DERL2: variants seen among roughly 807,000 people sequenced by gnomAD.
DERL2 encodes the protein derlin 2, also known as derlin-2.
In DERL2, 13 loss-of-function variants were observed where a neutral mutation model predicts 32.0. The observed-to-expected ratio is 0.41, with a 90% confidence interval of 0.26 to 0.65. The LOEUF (loss-of-function observed/expected upper bound fraction) is 0.65. Among genes scored for constraint, DERL2 ranks in the 30% least tolerant of loss-of-function variants. The probability of loss-of-function intolerance (pLI) is 0.35; values close to 1 mark genes in which losing one functional copy is unlikely to be tolerated. For missense variants in DERL2, 208 were observed against 296.3 expected (o/e 0.70, Z 2.19); for synonymous variants, 111 against 104.7 (o/e 1.06, Z -0.37).
intron 2 of DERL2, 57 bp from the exon 3 acceptor site, chr17:5,482,939 A>T (rs1037267715): frequency 1.0e-6 from 1 of 954,052 alleles, no homozygotes; most frequent in Admixed American, 2.6e-5. Flanking sequence ...ACCAGGAAAC[A>T]GTTCCATATT....
At chr17:5,484,554 G>C (rs767394063) in intron 2 of DERL2, among the ~76,000 whole-genome samples, 1 of 152,188 alleles carries the variant, frequency 6.6e-6, no homozygotes, top group African/African-American at 2.4e-5. Flanking sequence ...AGCCTCTTTT[G>C]GCATTTTAAT....
upstream of DERL2, chr17:5,486,425 G>C (rs1906323730): frequency 5.3e-6 from 2 of 374,606 alleles, no homozygotes; most frequent in Admixed American, 4.5e-5. Flanking sequence ...AAACGAGTAA[G>C]TACAGGTTCC....
chr17:5,481,411 A>C lies in DERL2; in HGVS notation c.234-22T>G. ...ATATCTTAAGTTCCAAGTTAAGAAA[A>C]TATTAAGCACACGAATATGAACAAA... On this transcript the variant is annotated intron_variant, in intron 3 of 6. Transcript: ENST00000158771. The surrounding 1 kb of genome is among the most constrained non-coding windows in gnomAD (Gnocchi z 4.4). 1 of 1,538,212 alleles carries C rather than the reference A, an allele frequency of 6.5e-7. No homozygotes were observed. Among genetic ancestry groups the C allele is most frequent in the Non-Finnish European group, 9.0e-7 (1 of 1,111,398 alleles).
chr17:5,481,296 G>A lies in DERL2; in HGVS notation c.327C>T (p.Thr109=), dbSNP rs757418114. 1.2e-5 allele frequency: 19 copies of A among 1,609,748 alleles called. No individual in the cohort carries two copies. The highest frequency in any genetic ancestry group is 1.6e-5 in the Non-Finnish European group (19 of 1,176,148). The change falls in exon 4 of 7, where the codon ACC becomes ACT. Residue 109 remains threonine, a splice_region_variant and synonymous_variant. Transcript: ENST00000158771. The surrounding 1 kb of genome is among the most constrained non-coding windows in gnomAD (Gnocchi z 4.4). ...TCCCGTGTTGTTTGTTGAAGGATACGGTCATTAAGAATCCACCAAAAAGGA... is the reference window on the plus strand; with the variant it reads ...TCCCGTGTTGTTTGTTGAAGGATACAGTCATTAAGAATCCACCAAAAAGGA... ...FMFLFGGFLM[T]LFGLFVSLVF... is the part of the protein sequence containing the mutation.
intron 6 of DERL2, among the ~76,000 whole-genome samples, chr17:5,477,717 G>A (rs1388223234): frequency 2.0e-5 from 3 of 152,042 alleles, no homozygotes; most frequent in Non-Finnish European, 4.4e-5. Context: ...AATATTGGAG[G>A]AAACCAATAG....
intron 2 of DERL2, among the ~76,000 whole-genome samples, chr17:5,484,848 AGGAACT>A (rs1906056337): frequency 1.3e-5 from 2 of 152,232 alleles, no homozygotes; most frequent in Admixed American, 1.3e-4. Context: ...TTCCAAATAC[AGGAACT>A]GGACACATCA....
chr17:5,486,343 T>G, upstream of DERL2: 2 of 415,636 alleles, frequency 4.8e-6, no homozygotes, highest in Non-Finnish European at 4.3e-6. Flanking sequence ...CAATCACGAG[T>G]TGCGTCGCCA....
chr17:5,474,697 C>T lies in DERL2; in HGVS notation c.707G>A (p.Arg236Gln), dbSNP rs775900239. Residue 236 changes from arginine (R) to glutamine (Q), a missense_variant, in exon 7 of 7, where the codon CGG (arginine) becomes CAG (glutamine). This residue lies in a region of DERL2 where 40 missense variants were observed against 38.7 expected (regional missense o/e 1.03). Transcript: ENST00000158771. The surrounding 1 kb of genome is among the most constrained non-coding windows in gnomAD (Gnocchi z 4.3). ...PGGFAWGEGQRLGG is the reference protein window; with the variant it reads ...PGGFAWGEGQQLGG ...GGCACTGCTGCTTTAACCTCCAAGC[C>T]GCTGGCCCTCACCCCAGGCGAAGCC... 26 of 1,611,332 alleles carry T rather than the reference C, an allele frequency of 1.6e-5. No homozygotes were observed. The highest frequency in any genetic ancestry group is 1.8e-4 in the Middle Eastern group (1 of 5,634).
chr17:5,484,168 G>A (rs1224723686), intron 2 of DERL2, among the ~76,000 whole-genome samples: 2 of 152,168 alleles, frequency 1.3e-5, no homozygotes, highest in Non-Finnish European at 2.9e-5. Flanking sequence ...CATGTGTAGA[G>A]GCACAGTTAT....
intron 2 of DERL2, among the ~76,000 whole-genome samples, chr17:5,484,208 T>C (rs111527761): frequency 2.0e-5 from 3 of 152,334 alleles, no homozygotes; most frequent in Admixed American, 6.5e-5. Flanking sequence ...CTACTCCAAC[T>C]ATGGTAAGAT....
In DERL2 at chr17:5,481,372, A is replaced by G; in HGVS notation, c.251T>C (p.Met84Thr). The G allele has an allele frequency of 6.2e-7, 1 of 1,613,794 alleles. No individual in the cohort carries two copies. The highest frequency in any genetic ancestry group is 2.2e-5 in the East Asian group (1 of 44,878). ...ACCTCGGAAAGAGCCTTCTTCTAGCATTCGACAGTAACGATATCTTAAGTT... is the reference window on the plus strand; with the variant it reads ...ACCTCGGAAAGAGCCTTCTTCTAGCGTTCGACAGTAACGATATCTTAAGTT... ...NMIFLYRYCR[M>T]LEEGSFRGRT... Residue 84 changes from methionine (M) to threonine (T), a missense_variant, in exon 4 of 7, where the codon ATG (methionine) becomes ACG (threonine). By Grantham distance (81) the Met-to-Thr change is moderately conservative (BLOSUM62 -1). Transcript: ENST00000158771. This position sits in a 1 kb window ranked among gnomAD's most constrained non-coding sequence, Gnocchi z 4.4.
Position 5,481,097 on chromosome 17 carries a change from C to A in DERL2, c.327+199G>T. The A allele has an allele frequency of 1.6e-6, 1 of 616,642 alleles. No homozygotes were observed. The highest frequency in any genetic ancestry group is 2.9e-6 in the Non-Finnish European group (1 of 349,558). 38.2% of individuals were successfully genotyped at this position (616,642 alleles called of 1,614,324 possible). ...TATAACTGAGTTGCTTAACAGTAAC[C>A]CACCTGGGTTAAAAGTTCCTTTGAC... On this transcript the variant is annotated intron_variant, in intron 4 of 6. Coordinates refer to ENST00000158771, the MANE Select transcript of DERL2 (RefSeq NM_016041.5). This position sits in a 1 kb window ranked among gnomAD's most constrained non-coding sequence, Gnocchi z 4.4.
chr17:5,486,236 G>A, upstream of DERL2: 1 of 1,274,566 alleles, frequency 7.8e-7, no homozygotes. Flanking sequence ...GCGGCGGGGC[G>A]GGCCCAAAGG....
intron 1 of DERL2, 132 bp downstream of exon 1, chr17:5,485,937 G>T: frequency 1.4e-6 from 1 of 692,682 alleles, no homozygotes; most frequent in Non-Finnish European, 2.3e-6. Context: ...GAACCCCAGA[G>T]TAATCCCTGT....
At chr17:5,482,671 C>A in intron 3 of DERL2, 138 bp downstream of exon 3, 1 of 576,906 alleles carries the variant, frequency 1.7e-6, no homozygotes, top group Middle Eastern at 2.8e-4. Context: ...ACTACCTAAG[C>A]AACTACTTTA....
rs1464494259 is a variant in DERL2 at position 5,473,650 on chromosome 17, A to C, written c.*1034T>G. The C allele has an allele frequency of 9.1e-6, 1 of 109,932 alleles. No homozygotes were observed. Among genetic ancestry groups the C allele is most frequent in the African/African-American group, 4.6e-5 (1 of 21,532 alleles). The allele number at this position is 109,932 out of a possible 1,614,324, so 6.8% of individuals were successfully genotyped here. A position where few individuals can be genotyped will look rare whatever the true frequency, so the allele number is the denominator to read the frequency against. On this transcript the variant is annotated 3_prime_UTR_variant, in exon 7 of 7. Coordinates refer to ENST00000158771, the MANE Select transcript of DERL2 (RefSeq NM_016041.5). ...AAACAAAAAACAAAACAAAACAAAA[A>C]AGGCAAAAAAAAAAAAAATGGCTGG...
Position 5,472,346 on chromosome 17 carries a change from G to A in DERL2, c.*2338C>T, listed in dbSNP as rs1011332100. 1 of 152,194 alleles carries A rather than the reference G, an allele frequency of 6.6e-6. No individual in the cohort carries two copies. Among genetic ancestry groups the A allele is most frequent in the Non-Finnish European group, 1.5e-5 (1 of 68,034 alleles). The allele number at this position is 152,194 out of a possible 1,614,324, so 9.4% of individuals were successfully genotyped here. A position where few individuals can be genotyped will look rare whatever the true frequency, so the allele number is the denominator to read the frequency against. ...TGTTCTGGAAGAACTAAGATTGAGA[G>A]GTAAATTGGGGAGAAAGTAAGGACT... On this transcript the variant is annotated 3_prime_UTR_variant, in exon 7 of 7. Coordinates refer to ENST00000158771, the MANE Select transcript of DERL2 (RefSeq NM_016041.5).
In DERL2 at chr17:5,474,033, T is replaced by G. The variant is rs1470989313; in HGVS notation, c.*651A>C. On this transcript the variant is annotated 3_prime_UTR_variant, in exon 7 of 7. Coordinates refer to ENST00000158771, the MANE Select transcript of DERL2 (RefSeq NM_016041.5). The surrounding 1 kb of genome is among the most constrained non-coding windows in gnomAD (Gnocchi z 4.3). The stretch of plus-strand genomic sequence containing the variant: ...TTTTTTCATGTTGTCTGACAAAGTT[T>G]GGCAAAACCCAGATGCAAAACAACC... 1.3e-5 allele frequency: 2 copies of G among 152,184 alleles called. No homozygotes were observed. Among genetic ancestry groups the G allele is most frequent in the African/African-American group, 2.4e-5 (1 of 41,450 alleles). 9.4% of individuals were successfully genotyped at this position (152,184 alleles called of 1,614,324 possible). A position where few individuals can be genotyped will look rare whatever the true frequency, so the allele number is the denominator to read the frequency against.
intron 1 of DERL2, 75 bp from the exon 2 acceptor site, chr17:5,485,291 T>C (rs1415341256): frequency 1.3e-5 from 14 of 1,059,964 alleles, no homozygotes; most frequent in Non-Finnish European, 1.9e-5. Context: ...AATTAGTAGG[T>C]CTAGCAATTT....
Sources: gnomAD v4.1 joint callset for allele counts (sites outside exome capture counted in the v4.1 genomes callset) on GRCh38, gnomAD v4.1.1 for gene constraint, gnomAD v4.1.1 regional missense constraint, Gnocchi (gnomAD v3.1) non-coding constraint, MANE v1.5 for transcripts, NCBI Gene and HGNC (gene_info 2026-07-23, HGNC 2026-07-21) for gene names.